Variants in RALGAPA1 observed in about 807,000 individuals in gnomAD.
RALGAPA1 encodes ral GTPase-activating protein subunit alpha-1.
RALGAPA1 carries 52 observed loss-of-function variants against 269.6 expected under a neutral mutation model. The ratio of observed to expected loss-of-function variants is 0.19; its 90% CI spans 0.15 to 0.24. RALGAPA1 has a LOEUF of 0.24. Ranked by LOEUF, RALGAPA1 falls within the 10% of genes least tolerant of loss-of-function variation. RALGAPA1 has a pLI of 1.00. For synonymous variants in RALGAPA1, 817 were observed against 1,008.3 expected, an observed-to-expected ratio of 0.81 and a Z score of 3.60; for missense variants, 1,917 against 3,013.9, an observed-to-expected ratio of 0.64 and a Z score of 8.52.
rs2058886234 is a variant in RALGAPA1, at chr14:35,595,623, T to C, written c.7209+11A>G. 1.2e-6 allele frequency: 2 copies of C among 1,607,546 alleles called. No homozygotes were observed. The highest frequency in any genetic ancestry group is 1.7e-6 in the Non-Finnish European group (2 of 1,176,126). The stretch of plus-strand genomic sequence containing the variant: ...GAGCATTTTAATTTGAAAGCACTTC[T>C]CAGCACTTACTTTTTTGGTCAAAGA... On this transcript the variant is annotated intron_variant, in intron 37 of 41. Coordinates refer to ENST00000680220, the MANE Select transcript of RALGAPA1 (RefSeq NM_001346249.2).
intron 6 of RALGAPA1, 52 bp from the exon 7 acceptor site, chr14:35,756,960 C>T: frequency 7.0e-7 from 1 of 1,423,808 alleles, no homozygotes; most frequent in South Asian, 1.7e-5. Context: ...TTTAATAAAA[C>T]AATAATATAA....
intron 33 of RALGAPA1, among the ~76,000 whole-genome samples, chr14:35,634,191 T>C (rs1282840900): frequency 1.3e-5 from 2 of 152,068 alleles, no homozygotes; most frequent in Admixed American, 1.3e-4. Context: ...AATCCAAAAA[T>C]TTTGAGTGTT....
intron 1 of RALGAPA1, among the ~76,000 whole-genome samples, chr14:35,777,076 T>C (rs552261181): frequency 6.6e-6 from 1 of 152,280 alleles, no homozygotes; most frequent in East Asian, 1.9e-4. Flanking sequence ...AAATATTAGC[T>C]ACATATGTGA....
At chr14:35,801,853 ACTGCC>A (rs754922866) in intron 1 of RALGAPA1, among the ~76,000 whole-genome samples, 5 of 152,174 alleles carry the variant, frequency 3.3e-5, no homozygotes, top group Non-Finnish European at 7.3e-5. Context: ...ACAAGACAAG[ACTGCC>A]CACTCTCATT....
intron 1 of RALGAPA1, among the ~76,000 whole-genome samples, chr14:35,777,347 T>C (rs970491502): frequency 6.6e-6 from 1 of 152,186 alleles, no homozygotes. Context: ...TACTTATGCA[T>C]ATGTATATGT....
chr14:35,712,961 G>A (rs1274096162), intron 16 of RALGAPA1, among the ~76,000 whole-genome samples: 2 of 152,118 alleles, frequency 1.3e-5, no homozygotes, highest in Admixed American at 1.3e-4. Flanking sequence ...AAGGAGAAAG[G>A]AATAAAATGA....
intron 18 of RALGAPA1, among the ~76,000 whole-genome samples, chr14:35,686,890 C>T (rs2065986472): frequency 1.3e-5 from 2 of 152,188 alleles, no homozygotes; most frequent in Non-Finnish European, 2.9e-5. Context: ...TAACTTTAAA[C>T]AGCAAGAAAG....
intron 1 of RALGAPA1, among the ~76,000 whole-genome samples, chr14:35,808,334 T>C (rs1439428179): frequency 2.6e-5 from 4 of 152,070 alleles, no homozygotes; most frequent in Non-Finnish European, 4.4e-5. Context: ...CTTGAAAGAT[T>C]AAGGTTTATA....
chr14:35,689,671 A>T lies in RALGAPA1; in HGVS notation c.2740T>A (p.Leu914Ile). 7.5e-7 allele frequency: 1 copy of T among 1,327,450 alleles called. No homozygotes were observed. The highest frequency in any genetic ancestry group is 9.6e-7 in the Non-Finnish European group (1 of 1,041,358). The allele number at this position is 1,327,450 out of a possible 1,614,324, so 82.2% of individuals were successfully genotyped here. ...GDSIYDHLCHLIGPVELADSA... is the reference protein window; with the variant it reads ...GDSIYDHLCHIIGPVELADSA... Reference sequence around the variant, plus strand: ...TCTGCAAGTTCTACTGGACCTATTAAATGACAAAGATGGTCATATATGCTA... The same window carrying T: ...TCTGCAAGTTCTACTGGACCTATTATATGACAAAGATGGTCATATATGCTA... The change falls in exon 18 of 42, where the codon TTA (leucine) becomes ATA (isoleucine). Residue 914 changes from leucine to isoleucine, a missense_variant. Leu to Ile is a conservative substitution (Grantham distance 5). Around this residue, in one of 11 missense-constraint regions of RALGAPA1, gnomAD observed 615 missense variants for 790.0 expected, o/e 0.78. Transcript: ENST00000680220.
chr14:35,666,092 T>A (rs574348032), intron 26 of RALGAPA1, among the ~76,000 whole-genome samples: 1 of 151,858 alleles, frequency 6.6e-6, no homozygotes, highest in Admixed American at 6.6e-5. Flanking sequence ...CTCAGCTCAC[T>A]GCAACCTCCA....
chr14:35,717,960 G>A (rs1160379524), intron 16 of RALGAPA1, among the ~76,000 whole-genome samples: 1 of 152,122 alleles, frequency 6.6e-6, no homozygotes, highest in Non-Finnish European at 1.5e-5. Flanking sequence ...ACACTCAAAA[G>A]CCCTAGAGCA....
chr14:35,750,422 A>G (rs764656698), intron 9 of RALGAPA1, 60 bp downstream of exon 9: 47 of 1,310,252 alleles, frequency 3.6e-5, no homozygotes, highest in Non-Finnish European at 5.0e-5. Context: ...ACTGAACTCA[A>G]TGGACTAAAT....
rs761687789 is a variant in RALGAPA1, at chr14:35,685,137, T to C, written c.4086A>G (p.Thr1362=). 1.3e-6 allele frequency: 2 copies of C among 1,561,810 alleles called. No individual in the cohort carries two copies. The highest frequency in any genetic ancestry group is 2.4e-5 in the South Asian group (2 of 84,972). Residue 1362 remains threonine, a synonymous_variant, in exon 20 of 42, where the codon ACA becomes ACG. Coordinates refer to ENST00000680220, the MANE Select transcript of RALGAPA1 (RefSeq NM_001346249.2). ...GGCTGCCTGGACTACTTCCTCTTCT[T>C]GTCATAGTCTAAACGTTCAAGAAAT... ...RLRSGNASTM[T]RRGSSPGSLE...
In RALGAPA1 at chr14:35,738,603, T is replaced by G. The variant is rs1296760926; in HGVS notation, c.1497A>C (p.Ala499=). 2 of 1,613,726 alleles carry G rather than the reference T, an allele frequency of 1.2e-6. No individual in the cohort carries two copies. The highest frequency in any genetic ancestry group is 4.5e-5 in the East Asian group (2 of 44,858). ...GAGCACCTTGGTAGGAGCCGTTTTTTGCCCAACTGGAATTTCGAACATGAT... is the reference window on the plus strand; with the variant it reads ...GAGCACCTTGGTAGGAGCCGTTTTTGGCCCAACTGGAATTTCGAACATGAT... The part of the protein sequence containing the change: ...TADHVRNSSW[A]KNGSYQGALH... Residue 499 remains alanine, a synonymous_variant, in exon 12 of 42, where the codon GCA becomes GCC. Transcript: ENST00000680220.
intron 39 of RALGAPA1, among the ~76,000 whole-genome samples, chr14:35,552,045 A>G (rs1261798168): frequency 1.3e-5 from 2 of 152,156 alleles, no homozygotes; most frequent in Admixed American, 6.5e-5. Flanking sequence ...TAAAATAACT[A>G]TATCTAAGGT....
intron 41 of RALGAPA1, among the ~76,000 whole-genome samples, chr14:35,544,044 C>G (rs1423653376): frequency 6.6e-6 from 1 of 152,206 alleles, no homozygotes; most frequent in African/African-American, 2.4e-5. Flanking sequence ...TAGAACAAAT[C>G]AGGCCAAGCT....
intron 4 of RALGAPA1, among the ~76,000 whole-genome samples, chr14:35,764,464 T>G (rs1305168592): frequency 6.6e-6 from 1 of 152,126 alleles, no homozygotes; most frequent in East Asian, 1.9e-4. Flanking sequence ...TGAAAATACA[T>G]TATCCCAAAC....
intron 1 of RALGAPA1, among the ~76,000 whole-genome samples, chr14:35,792,424 T>TG (rs1047602904): frequency 5.9e-5 from 9 of 152,158 alleles, no homozygotes; most frequent in African/African-American, 2.2e-4. Context: ...CTCAAAGTGT[T>TG]GGGATTATAG....
At chr14:35,739,292 T>C (rs966978712) in intron 11 of RALGAPA1, among the ~76,000 whole-genome samples, 7 of 152,296 alleles carry the variant, frequency 4.6e-5, no homozygotes, top group African/African-American at 1.2e-4. Context: ...AGTTAAGTTT[T>C]ACAAAAATAT....
Sources: allele counts gnomAD v4.1 joint callset (sites outside exome capture counted in the v4.1 genomes callset), GRCh38; gene constraint gnomAD v4.1.1; regional missense constraint gnomAD v4.1.1; transcripts MANE v1.5; gene names NCBI Gene and HGNC (gene_info 2026-07-23, HGNC 2026-07-21).